CROCC: variants seen among roughly 807,000 people sequenced by gnomAD.
CROCC encodes rootletin.
A neutral mutation model predicts 245.2 loss-of-function variants in CROCC; 180 were observed. That is an observed-to-expected ratio of 0.73 (90% CI 0.65 to 0.83). CROCC has a LOEUF of 0.83. Ranked by LOEUF, CROCC falls within the 40% of genes least tolerant of loss-of-function variation. The pLI is 0.00. For synonymous variants in CROCC, 1,205 were observed against 1,241.6 expected, an observed-to-expected ratio of 0.97 and a Z score of 0.62; for missense variants, 2,688 against 2,779.4, an observed-to-expected ratio of 0.97 and a Z score of 0.74.
chr1:16,924,480 G>T lies in CROCC; in HGVS notation c.351+1G>T. ...TAAGTACAATGCGGTCAGCGAGAGG[G>T]TGGGTGCCGCCCAGGTGGTGGACTA... On this transcript the variant is annotated splice_donor_variant, in intron 3 of 36. Transcript: ENST00000375541. LOFTEE classifies it high-confidence loss of function. 6.2e-7 allele frequency: 1 copy of T among 1,611,182 alleles called. No homozygotes were observed. The highest frequency in any genetic ancestry group is 1.3e-5 in the African/African-American group (1 of 75,060).
chr1:16,961,899 C>T (rs939741163), intron 27 of CROCC, among the ~76,000 whole-genome samples: 6 of 152,032 alleles, frequency 3.9e-5, no homozygotes, highest in African/African-American at 7.2e-5. Context: ...TTTCCTGGAC[C>T]GGGGGCTGGA....
intron 3 of CROCC, among the ~76,000 whole-genome samples, chr1:16,925,939 G>C (rs1362956537): frequency 1.3e-5 from 2 of 152,274 alleles, no homozygotes; most frequent in South Asian, 4.1e-4. Context: ...TTTGGTCCAT[G>C]CATGGCACAG....
chr1:16,923,050 G>A (rs2075445152), intron 2 of CROCC, among the ~76,000 whole-genome samples: 1 of 152,294 alleles, frequency 6.6e-6, no homozygotes, highest in South Asian at 2.1e-4. Context: ...CCTGTAGCCT[G>A]CTGCAGAGAT....
At chr1:16,929,728 G>T in intron 3 of CROCC, 118 bp from the exon 4 acceptor site, 4 of 1,423,070 alleles carry the variant, frequency 2.8e-6, no homozygotes, top group East Asian at 5.0e-5. Context: ...TCCCCAGGGC[G>T]CCAGGCTATC....
intron 20 of CROCC, 79 bp downstream of exon 20, chr1:16,951,201 A>G: frequency 8.0e-7 from 1 of 1,256,406 alleles, no homozygotes; most frequent in Non-Finnish European, 1.0e-6. Flanking sequence ...CGGTCTCTAC[A>G]TCTGTGAAAT....
At chr1:16,943,385 C>A (rs1570646596) in intron 13 of CROCC, among the ~76,000 whole-genome samples, 2 of 152,108 alleles carry the variant, frequency 1.3e-5, no homozygotes, top group African/African-American at 4.8e-5. Context: ...AAAAATACAA[C>A]AAATTACCCG....
At chr1:16,940,162 C>A in intron 13 of CROCC, 69 bp downstream of exon 13, 1 of 1,488,608 alleles carries the variant, frequency 6.7e-7, no homozygotes, top group South Asian at 1.2e-5. Context: ...ACCAGTCAAG[C>A]CTTATGCGTA....
chr1:16,955,368 G>A lies in CROCC; in HGVS notation c.3522G>A (p.Arg1174=), dbSNP rs754966760. ...TGGAGGATGCCCGTGACGGGCTGCG[G>A]CGGGAGCTGCTGGAGGCCCAGCGCA... is the stretch of plus-strand genomic sequence containing the variant. ...RLLEDARDGL[R]RELLEAQRKL... is the part of the protein sequence containing the mutation. Residue 1174 remains arginine (R), a synonymous_variant, in exon 24 of 37, where the codon CGG becomes CGA. Coordinates refer to ENST00000375541, the MANE Select transcript of CROCC (RefSeq NM_014675.5). The A allele has an allele frequency of 1.6e-5, 25 of 1,607,164 alleles. No individual in the cohort carries two copies. The highest frequency in any genetic ancestry group is 2.1e-5 in the Non-Finnish European group (25 of 1,179,572).
rs958332609 is a variant in CROCC, at chr1:16,960,994, G to A, written c.4269G>A (p.Glu1423=). Residue 1423 remains glutamate, a synonymous_variant, in exon 27 of 37, where the codon GAG becomes GAA. Transcript: ENST00000375541. ...TGGAGGCCGAGCTGGCCCGCGTGGA[G>A]GTGCAGCGGCGCGCGGCGGAGGCCC... ...QGLEAELARV[E]VQRRAAEAQL... The A allele has an allele frequency of 3.3e-5, 43 of 1,312,536 alleles. No individual in the cohort carries two copies. Among genetic ancestry groups the A allele is most frequent in the South Asian group, 6.9e-5 (3 of 43,768 alleles). 81.3% of individuals were successfully genotyped at this position (1,312,536 alleles called of 1,614,324 possible). A position where few individuals can be genotyped will look rare whatever the true frequency, so the allele number is the denominator to read the frequency against.
At chr1:16,937,601 G>T (rs1228531774) in intron 9 of CROCC, 40 bp from the exon 10 acceptor site, 15 of 1,523,368 alleles carry the variant, frequency 9.8e-6, no homozygotes, top group Non-Finnish European at 1.4e-5. Context: ...GAGAAGCTGG[G>T]GTGGTCCCGT....
chr1:16,940,098 C>T lies in CROCC; in HGVS notation c.1808+5C>T, dbSNP rs756326810. ...CGCCAACGAGCTCCTGAGCAGGTGC[C>T]GGGGAGGTCTGAGCTGGGGGGTACT... On this transcript the variant is annotated splice_donor_5th_base_variant and intron_variant, in intron 13 of 36. Coordinates refer to ENST00000375541, the MANE Select transcript of CROCC (RefSeq NM_014675.5). 6 of 1,596,602 alleles carry T rather than the reference C, an allele frequency of 3.8e-6. No individual in the cohort carries two copies. In the African/African-American group the frequency reaches 5.4e-5, roughly 14 times the overall value.
At chr1:16,931,011 G>A (rs899519382) in intron 7 of CROCC, among the ~76,000 whole-genome samples, 2 of 152,274 alleles carry the variant, frequency 1.3e-5, no homozygotes, top group Non-Finnish European at 2.9e-5. Flanking sequence ...TCATGCAACT[G>A]GCAGCTGGGA....
intron 13 of CROCC, among the ~76,000 whole-genome samples, chr1:16,943,266 A>G (rs1267992990): frequency 4.0e-5 from 6 of 151,384 alleles, no homozygotes; most frequent in Non-Finnish European, 7.4e-5. Context: ...TACTGGGCGC[A>G]TTGGCTCATG....
chr1:16,916,044 T>C (rs2075299621), intron 1 of CROCC, among the ~76,000 whole-genome samples: 1 of 152,198 alleles, frequency 6.6e-6, no homozygotes, highest in Non-Finnish European at 1.5e-5. Flanking sequence ...GGCGTGGTGG[T>C]GCATGCCTGT....
Position 16,969,449 on chromosome 1 carries a change from G to A in CROCC, c.5301+109G>A, listed in dbSNP as rs565357384. The A allele has an allele frequency of 4.5e-6, 5 of 1,121,258 alleles. No individual in the cohort carries two copies. The Admixed American group carries it at 1.2e-4, about 27-fold the overall frequency. The allele number at this position is 1,121,258 out of a possible 1,614,324, so 69.5% of individuals were successfully genotyped here. A position where few individuals can be genotyped will look rare whatever the true frequency, so the allele number is the denominator to read the frequency against. On this transcript the variant is annotated intron_variant, in intron 32 of 36. Transcript: ENST00000375541. ...GAGCCAGCCAATGGGGCAGTCAGTT[G>A]GAGCCAATGAGAGCAGGCTTTGAAG...
At position 16,958,593 on chromosome 1, in the gene CROCC, T is replaced by C; in HGVS notation, c.3875T>C (p.Leu1292Pro). Residue 1292 changes from leucine (L) to proline (P), a missense_variant, in exon 26 of 37, where the codon CTG (leucine) becomes CCG (proline). Transcript: ENST00000375541. ...LQELRRQMKM[L>P]DSENTRLGRE... ...CCCGTGCTCTCACAGATGAAGATGC[T>C]GGACAGTGAGAACACCAGACTGGGC... 3.9e-6 allele frequency: 6 copies of C among 1,552,728 alleles called. No homozygotes were observed. The highest frequency in any genetic ancestry group is 5.2e-6 in the Non-Finnish European group (6 of 1,148,438).
chr1:16,930,084 C>T (rs749695435), intron 4 of CROCC, 40 bp from the exon 5 acceptor site: 5 of 1,574,542 alleles, frequency 3.2e-6, no homozygotes, highest in Non-Finnish European at 2.6e-6. Flanking sequence ...CTTTGCCCCG[C>T]CCCAACCCCT....
chr1:16,918,428 C>T (rs1402456558), upstream of CROCC, among the ~76,000 whole-genome samples: 3 of 150,900 alleles, frequency 2.0e-5, no homozygotes, highest in South Asian at 4.2e-4. Flanking sequence ...GGGGATGGAG[C>T]CAAGGGTGAA....
Position 16,955,539 on chromosome 1 carries a change from C to A in CROCC, c.3693C>A (p.Ser1231Arg). 6.5e-7 allele frequency: 1 copy of A among 1,541,860 alleles called. No homozygotes were observed. The highest frequency in any genetic ancestry group is 8.7e-7 in the Non-Finnish European group (1 of 1,148,418). Residue 1231 changes from serine to arginine, a missense_variant, in exon 24 of 37, where the codon AGC becomes AGA. Physicochemically the swap from Ser to Arg is moderately radical, Grantham distance 110. Around this residue, in one of 9 missense-constraint regions of CROCC, gnomAD observed 1,218 missense variants for 1,286.3 expected, o/e 0.95. Coordinates refer to ENST00000375541, the MANE Select transcript of CROCC (RefSeq NM_014675.5). ...ELRSAVKKAESERISLKLANE... is the reference protein window; with the variant it reads ...ELRSAVKKAERERISLKLANE... ...GGTCTGCTGTGAAGAAGGCAGAGAG[C>A]GAGCGCATCAGGTGGGGTGTCGCAG...
Sources: gnomAD v4.1 joint callset for allele counts (sites outside exome capture counted in the v4.1 genomes callset) on GRCh38, gnomAD v4.1.1 for gene constraint, gnomAD v4.1.1 regional missense constraint, MANE v1.5 for transcripts, NCBI Gene and HGNC (gene_info 2026-07-23, HGNC 2026-07-21) for gene names.